Variants in SCAPER observed in about 807,000 individuals in gnomAD.
The protein encoded by SCAPER is S phase cyclin A-associated protein in the endoplasmic reticulum.
SCAPER carries 98 observed loss-of-function variants against 182.2 expected under a neutral mutation model. That is an observed-to-expected ratio of 0.54 (90% confidence interval 0.46 to 0.64). SCAPER has a LOEUF of 0.64. SCAPER is among the 30% of genes least tolerant of loss of function. SCAPER has a pLI of 0.00. For missense variants in SCAPER, 1,432 were observed against 1,690.0 expected, an observed-to-expected ratio of 0.85 and a Z score of 2.68; for synonymous variants, 605 against 564.6, an observed-to-expected ratio of 1.07 and a Z score of -1.01.
chr15:76,456,414 T>C (rs565369267), intron 25 of SCAPER, among the ~76,000 whole-genome samples: 2 of 152,344 alleles, frequency 1.3e-5, no homozygotes, highest in African/African-American at 4.8e-5. Context: ...TGTAGATACA[T>C]AATATTGAGT....
At chr15:76,528,360 T>G (rs1458084300) in intron 23 of SCAPER, among the ~76,000 whole-genome samples, 2 of 152,154 alleles carry the variant, frequency 1.3e-5, no homozygotes, top group African/African-American at 4.8e-5. Flanking sequence ...AGTCTAGATC[T>G]CTCTTCTAAA....
At chr15:76,550,656 C>T (rs1363196819) in intron 23 of SCAPER, among the ~76,000 whole-genome samples, 2 of 152,112 alleles carry the variant, frequency 1.3e-5, no homozygotes, top group Non-Finnish European at 2.9e-5. Flanking sequence ...AATAAACATA[C>T]GTGTGCATGT....
At chr15:76,870,713 A>G (rs1252516930) in intron 2 of SCAPER, among the ~76,000 whole-genome samples, 2 of 152,088 alleles carry the variant, frequency 1.3e-5, no homozygotes, top group Non-Finnish European at 2.9e-5. Flanking sequence ...GAAAAGAGCA[A>G]AAGAGACATA....
At chr15:76,429,768 A>T (rs1373583411) in intron 26 of SCAPER, among the ~76,000 whole-genome samples, 1 of 152,186 alleles carries the variant, frequency 6.6e-6, no homozygotes, top group Non-Finnish European at 1.5e-5. Context: ...GCGATAGAAA[A>T]GAAAATCCCA....
At chr15:76,857,905 T>C (rs2071541030) in intron 3 of SCAPER, 26 bp from the exon 4 acceptor site, 2 of 1,446,148 alleles carry the variant, frequency 1.4e-6, no homozygotes, top group African/African-American at 1.4e-5. Context: ...AAAATAAATA[T>C]GTAGATATAC....
At chr15:76,552,217 A>G (rs938767210) in intron 23 of SCAPER, among the ~76,000 whole-genome samples, 3 of 152,128 alleles carry the variant, frequency 2.0e-5, no homozygotes, top group Non-Finnish European at 4.4e-5. Flanking sequence ...CAGAAGTTTG[A>G]GGTTGCAGTG....
chr15:76,758,148 T>C (rs754450884), intron 14 of SCAPER, among the ~76,000 whole-genome samples: 2 of 152,180 alleles, frequency 1.3e-5, no homozygotes, highest in Admixed American at 6.5e-5. Flanking sequence ...TTCTGTCATA[T>C]TCAAAAAATT....
chr15:76,729,111 TG>T (rs1242856114), intron 16 of SCAPER, among the ~76,000 whole-genome samples: 68 of 152,222 alleles, frequency 4.5e-4, no homozygotes, highest in African/African-American at 1.5e-3. Flanking sequence ...CCGTGCTGGA[TG>T]CTTCCTGCCC....
intron 23 of SCAPER, among the ~76,000 whole-genome samples, chr15:76,572,891 T>A (rs1013954961): frequency 2.1e-5 from 3 of 140,124 alleles, no homozygotes; most frequent in Non-Finnish European, 3.0e-5. Flanking sequence ...TTGCGTGCAC[T>A]CTCTCTCTCT....
At chr15:76,627,272 T>C (rs2052672516) in intron 21 of SCAPER, among the ~76,000 whole-genome samples, 1 of 151,618 alleles carries the variant, frequency 6.6e-6, no homozygotes, top group Non-Finnish European at 1.5e-5. Flanking sequence ...TAAACCTCTA[T>C]TTTTTTTATC....
intron 5 of SCAPER, among the ~76,000 whole-genome samples, chr15:76,806,972 A>C (rs2066209926): frequency 1.3e-5 from 2 of 152,168 alleles, no homozygotes; most frequent in Non-Finnish European, 2.9e-5. Flanking sequence ...GGTGTCTTTA[A>C]GGGTTCTTTA....
At chr15:76,385,794 G>A (rs1218422030) in intron 27 of SCAPER, among the ~76,000 whole-genome samples, 3 of 152,164 alleles carry the variant, frequency 2.0e-5, no homozygotes, top group African/African-American at 7.2e-5. Flanking sequence ...GATGTGCAAG[G>A]TTAAGGAAGA....
chr15:76,582,234 GAACT>G (rs2048323159), intron 22 of SCAPER, among the ~76,000 whole-genome samples: 1 of 152,038 alleles, frequency 6.6e-6, no homozygotes, highest in Admixed American at 6.5e-5. Flanking sequence ...AAAACTATTA[GAACT>G]AATAAACAAA....
intron 5 of SCAPER, among the ~76,000 whole-genome samples, chr15:76,834,905 A>G (rs1404012272): frequency 1.3e-5 from 2 of 152,174 alleles, no homozygotes; most frequent in Non-Finnish European, 2.9e-5. Flanking sequence ...GGAATCATTA[A>G]GAAAAAACCT....
chr15:76,561,450 G>C (rs1453899840), intron 23 of SCAPER, among the ~76,000 whole-genome samples: 1 of 151,706 alleles, frequency 6.6e-6, no homozygotes, highest in Admixed American at 6.6e-5. Flanking sequence ...AGTATCTTTT[G>C]CACAGGTATG....
intron 20 of SCAPER, among the ~76,000 whole-genome samples, chr15:76,701,095 TAA>T (rs5813845): frequency 7.0e-6 from 1 of 143,632 alleles, no homozygotes. Flanking sequence ...ATGCCATACC[TAA>T]AAAAAAAAAA....
chr15:76,762,294 C>T (rs762389455), intron 14 of SCAPER, among the ~76,000 whole-genome samples: 18 of 150,266 alleles, frequency 1.2e-4, no homozygotes, highest in Non-Finnish European at 2.4e-4. Context: ...CATTTTGCTA[C>T]TTATTTTCTC....
In SCAPER at chr15:76,811,002, C is replaced by A. The variant is rs114789023; in HGVS notation, c.394-6369G>T. On this transcript the variant is annotated intron_variant, in intron 5 of 31. Transcript: ENST00000563290. ...CACAACAATTTTAAGTATATTTGCA[C>A]CTAACATCAAAGCACTTAAAATAAT... Among the ~76,000 whole-genome samples the A allele has an allele frequency of 8.1e-3, 1,234 of 151,770 alleles. 14 individuals are homozygous for A. Among genetic ancestry groups the A allele is most frequent in the African/African-American group, 0.028 (1,169 of 41,428 alleles).
intron 27 of SCAPER, among the ~76,000 whole-genome samples, chr15:76,389,818 A>T (rs1487216407): frequency 6.7e-6 from 1 of 150,146 alleles, no homozygotes; most frequent in African/African-American, 2.4e-5. Context: ...TCCGTCTCAA[A>T]AAAAAAAAAA....
Sources: allele counts gnomAD v4.1 joint callset (sites outside exome capture counted in the v4.1 genomes callset), GRCh38; gene constraint gnomAD v4.1.1; transcripts MANE v1.5; gene names NCBI Gene and HGNC (gene_info 2026-07-23, HGNC 2026-07-21).